Variants in KIAA0825 observed in about 807,000 individuals in gnomAD.
KIAA0825 encodes uncharacterized protein KIAA0825.
In KIAA0825, 119 loss-of-function variants were observed where a neutral mutation model predicts 147.6. That is an observed-to-expected ratio of 0.81 (90% CI 0.69 to 0.94). The LOEUF (loss-of-function observed/expected upper bound fraction) is 0.94, where lower values mean the gene tolerates loss of function less well. KIAA0825 is among the 40% of genes least tolerant of loss of function. The pLI, the probability that KIAA0825 is intolerant of heterozygous loss-of-function variation, is 0.00. For synonymous variants in KIAA0825, 470 were observed against 518.1 expected, an observed-to-expected ratio of 0.91 and a Z score of 1.26; for missense variants, 1,381 against 1,472.7, an observed-to-expected ratio of 0.94 and a Z score of 1.02.
intron 20 of KIAA0825, among the ~76,000 whole-genome samples, chr5:94,368,983 C>G (rs1746273685): frequency 6.6e-6 from 1 of 152,018 alleles, no homozygotes. Flanking sequence ...GACCGGGCAA[C>G]ATGGCAAAAC....
At chr5:94,237,096 C>G (rs1775088453) in intron 20 of KIAA0825, among the ~76,000 whole-genome samples, 1 of 151,296 alleles carries the variant, frequency 6.6e-6, no homozygotes, top group Non-Finnish European at 1.5e-5. Context: ...TGTAAGTTCT[C>G]TATATGTATA....
chr5:94,369,940 T>G (rs1402538753), intron 20 of KIAA0825, among the ~76,000 whole-genome samples: 1 of 152,194 alleles, frequency 6.6e-6, no homozygotes, highest in African/African-American at 2.4e-5. Context: ...CCATAGTTTC[T>G]TCATAAATGT....
At chr5:94,514,516 T>C (rs1766939326) in intron 5 of KIAA0825, among the ~76,000 whole-genome samples, 1 of 152,220 alleles carries the variant, frequency 6.6e-6, no homozygotes, top group Admixed American at 6.5e-5. Context: ...TGAAGGATTC[T>C]TGATCTTACA....
At chr5:94,260,891 C>T (rs1776458480) in intron 20 of KIAA0825, among the ~76,000 whole-genome samples, 1 of 152,164 alleles carries the variant, frequency 6.6e-6, no homozygotes, top group Non-Finnish European at 1.5e-5. Flanking sequence ...AAAATCTAAG[C>T]TTCCATTTTC....
intron 2 of KIAA0825, among the ~76,000 whole-genome samples, chr5:94,538,224 A>G (rs536132867): frequency 6.6e-6 from 1 of 152,358 alleles, no homozygotes; most frequent in South Asian, 2.1e-4. Context: ...CAAGTAAAAC[A>G]TGGCAATGGG....
chr5:94,289,579 T>C (rs1227882443), intron 20 of KIAA0825, among the ~76,000 whole-genome samples: 2 of 150,972 alleles, frequency 1.3e-5, no homozygotes, highest in East Asian at 3.9e-4. Flanking sequence ...AAACCTACAT[T>C]TGGGAAAAAA....
intron 16 of KIAA0825, among the ~76,000 whole-genome samples, chr5:94,398,628 T>C (rs1046042434): frequency 4.6e-5 from 7 of 152,194 alleles, no homozygotes; most frequent in Non-Finnish European, 1.0e-4. Context: ...TTATTATTTA[T>C]ATTATGTTAT....
chr5:94,361,653 G>A (rs972433229), intron 20 of KIAA0825, among the ~76,000 whole-genome samples: 6 of 152,094 alleles, frequency 3.9e-5, no homozygotes, highest in African/African-American at 1.4e-4. Context: ...GAGTTGTTAT[G>A]AACAAGCATC....
At chr5:94,473,541 A>G (rs1761473915) in intron 7 of KIAA0825, 22 bp from the exon 8 acceptor site, 1 of 1,424,854 alleles carries the variant, frequency 7.0e-7, no homozygotes. Context: ...ATGTATATGA[A>G]GTCATGTTAA....
chr5:94,171,906 T>A (rs1403206313), intron 20 of KIAA0825, among the ~76,000 whole-genome samples: 1 of 152,028 alleles, frequency 6.6e-6, no homozygotes, highest in Admixed American at 6.5e-5. Flanking sequence ...AACAGAAGGA[T>A]CCTTAAGACA....
At chr5:94,245,655 G>T (rs1775566312) in intron 20 of KIAA0825, among the ~76,000 whole-genome samples, 2 of 152,080 alleles carry the variant, frequency 1.3e-5, no homozygotes, top group Admixed American at 1.3e-4. Flanking sequence ...TTGAGTCAGA[G>T]TTAGCATGCG....
At chr5:94,206,551 T>C (rs1772216092) in intron 20 of KIAA0825, among the ~76,000 whole-genome samples, 1 of 152,200 alleles carries the variant, frequency 6.6e-6, no homozygotes, top group Non-Finnish European at 1.5e-5. Context: ...TTTGTTTATT[T>C]GTGCTCTGTG....
chr5:94,307,224 T>C (rs1554256021), intron 20 of KIAA0825, among the ~76,000 whole-genome samples: 1 of 151,734 alleles, frequency 6.6e-6, no homozygotes, highest in African/African-American at 2.4e-5. Flanking sequence ...GGAAAGAGAA[T>C]TATAAAAAGA....
At chr5:94,172,904 G>T (rs1768763754) in intron 20 of KIAA0825, among the ~76,000 whole-genome samples, 1 of 152,088 alleles carries the variant, frequency 6.6e-6, no homozygotes, top group Admixed American at 6.6e-5. Context: ...AGGTTATTGT[G>T]AAGATTAAGG....
At position 94,562,268 on chromosome 5, in the gene KIAA0825, C is replaced by G. The variant is rs79114469; in HGVS notation, c.-2+20165G>C. ...AATTTGTCAGTGGTTAAGACAAATT[C>G]ATATGAAATAACTTGAAAATCTATT... On this transcript the variant is annotated intron_variant, in intron 2 of 20. Transcript: ENST00000682413. Among the ~76,000 whole-genome samples, 677 of 152,196 alleles carry G rather than the reference C, an allele frequency of 4.4e-3. 4 individuals are homozygous for G. The highest frequency in any genetic ancestry group is 0.016 in the African/African-American group (649 of 41,530).
intron 14 of KIAA0825, among the ~76,000 whole-genome samples, chr5:94,439,512 C>T (rs1231584917): frequency 7.9e-5 from 12 of 152,096 alleles, no homozygotes; most frequent in Non-Finnish European, 1.5e-4. Context: ...TGTGCTCCAA[C>T]GGATATAGCT....
chr5:94,576,696 C>T (rs1781117067), intron 2 of KIAA0825, among the ~76,000 whole-genome samples: 1 of 152,164 alleles, frequency 6.6e-6, no homozygotes, highest in Non-Finnish European at 1.5e-5. Flanking sequence ...GACTAATACA[C>T]ATGTACTAAT....
intron 20 of KIAA0825, among the ~76,000 whole-genome samples, chr5:94,368,347 AT>A (rs1186553144): frequency 6.6e-6 from 1 of 152,022 alleles, no homozygotes; most frequent in African/African-American, 2.4e-5. Flanking sequence ...TAATTTTTGT[AT>A]TTTTTGTAGA....
At chr5:94,606,843 C>A (rs1003081765) in intron 1 of KIAA0825, among the ~76,000 whole-genome samples, 1 of 152,146 alleles carries the variant, frequency 6.6e-6, no homozygotes, top group Non-Finnish European at 1.5e-5. Flanking sequence ...TCTGGTGAGG[C>A]CTCAGGAGGC....
Sources: allele counts gnomAD v4.1 joint callset (sites outside exome capture counted in the v4.1 genomes callset), GRCh38; gene constraint gnomAD v4.1.1; transcripts MANE v1.5; gene names NCBI Gene and HGNC (gene_info 2026-07-23, HGNC 2026-07-21).